TXNRD2: variants seen among roughly 807,000 people sequenced by gnomAD.
The protein encoded by TXNRD2 is thioredoxin reductase 2, mitochondrial.
Under a neutral mutation model 70.8 loss-of-function variants are expected in TXNRD2, and 67 were observed. The observed-to-expected ratio is 0.95, with a 90% CI of 0.78 to 1.16. The LOEUF is 1.16. TXNRD2 is among the 50% of genes most tolerant of loss of function. The pLI is 0.00. For missense variants in TXNRD2, 644 were observed against 719.9 expected (o/e 0.89, Z 1.21); for synonymous variants, 301 against 295.8 (o/e 1.02, Z -0.18).
chr22:19,909,589 C>CACACACACACACA (rs1940239875), intron 8 of TXNRD2, among the ~76,000 whole-genome samples: 1 of 81,866 alleles, frequency 1.2e-5, no homozygotes, highest in Non-Finnish European at 2.4e-5. Context: ...ACACACACAC[C>CACACACACACACA]ACACACACCA....
intron 11 of TXNRD2, among the ~76,000 whole-genome samples, chr22:19,885,044 GTCAGC>G (rs1381453151): frequency 6.6e-6 from 1 of 152,134 alleles, no homozygotes; most frequent in East Asian, 1.9e-4. Flanking sequence ...AGTCCAGGGG[GTCAGC>G]ACAGCTGCCC....
chr22:19,917,749 T>TA (rs1378623678), intron 5 of TXNRD2, among the ~76,000 whole-genome samples: 1 of 152,000 alleles, frequency 6.6e-6, no homozygotes, highest in Non-Finnish European at 1.5e-5. Context: ...AGGTGTGCAG[T>TA]AAGAAGGGGG....
intron 8 of TXNRD2, among the ~76,000 whole-genome samples, chr22:19,899,981 G>A (rs908872128): frequency 6.6e-5 from 10 of 152,200 alleles, no homozygotes; most frequent in African/African-American, 2.4e-4. Flanking sequence ...ATGTAAGGAC[G>A]GATAAGCCCA....
At chr22:19,936,925 C>T (rs1941556812) in intron 1 of TXNRD2, among the ~76,000 whole-genome samples, 1 of 152,174 alleles carries the variant, frequency 6.6e-6, no homozygotes, top group Non-Finnish European at 1.5e-5. Context: ...ATGCTGGAAC[C>T]TCCTAATGCT....
Position 19,877,234 on chromosome 22 carries a change from C to A in TXNRD2, c.1446G>T (p.Lys482Asn), listed in dbSNP as rs371797598. The A allele has an allele frequency of 6.2e-6, 10 of 1,609,406 alleles. No homozygotes were observed. The African/African-American group carries it at 1.1e-4, about 17-fold the overall frequency. The part of the protein sequence containing the change: ...EVTQGFALGI[K>N]CGASYAQVMR... The stretch of plus-strand genomic sequence containing the variant: ...TCACCTGCGCATAGGAAGCCCCACA[C>A]CTGCACATGGGGGATGGGGGAGGCA... The change falls in exon 17 of 18, where the codon AAG (lysine) becomes AAT (asparagine). Residue 482 changes from lysine to asparagine, a missense_variant and splice_region_variant. Coordinates refer to ENST00000400521, the MANE Select transcript of TXNRD2 (RefSeq NM_006440.5).
At chr22:19,907,996 A>T (rs1940143796) in intron 8 of TXNRD2, among the ~76,000 whole-genome samples, 2 of 97,814 alleles carry the variant, frequency 2.0e-5, no homozygotes, top group Non-Finnish European at 3.9e-5. Flanking sequence ...CTCTCAGGAG[A>T]GTGTGGGCGC....
At position 19,908,119 on chromosome 22, in the gene TXNRD2, GGT is replaced by G. The variant is rs202060377; in HGVS notation, c.662+3256_662+3257del. On this transcript the variant is annotated intron_variant, in intron 8 of 17. Coordinates refer to ENST00000400521, the MANE Select transcript of TXNRD2 (RefSeq NM_006440.5). ...CAGTGACTGCTCTCAGGAGAGTGTG[GGT>G]GCACCGTGGGTAGCAGTGACCGCTC... Among the ~76,000 whole-genome samples, 46 of 93,898 alleles carry G rather than the reference GGT, an allele frequency of 4.9e-4. 2 individuals are homozygous for G. The highest frequency in any genetic ancestry group is 2.1e-3 in the African/African-American group (45 of 21,630). 61.6% of individuals were successfully genotyped at this position (93,898 alleles called of 152,430 possible).
In TXNRD2 at chr22:19,883,321, G is replaced by A. The variant is rs753380240; in HGVS notation, c.1086+4C>T. ...GGGCCCTGGTCCCGGGACGCATGCC[G>A]TACCTCCACCACGTCACCAATGGCG... On this transcript the variant is annotated splice_donor_region_variant and intron_variant, in intron 12 of 17. Transcript: ENST00000400521. 3.0e-5 allele frequency: 48 copies of A among 1,613,028 alleles called. No individual in the cohort carries two copies. Among genetic ancestry groups the A allele is most frequent in the South Asian group, 1.1e-4 (10 of 91,076 alleles).
At chr22:19,928,092 C>T (rs1028368304) in intron 2 of TXNRD2, among the ~76,000 whole-genome samples, 2 of 145,754 alleles carry the variant, frequency 1.4e-5, no homozygotes, top group Non-Finnish European at 3.0e-5. Flanking sequence ...CACAGAGAGA[C>T]CCTCATCTTT....
chr22:19,933,839 C>T (rs1389200885), intron 1 of TXNRD2, among the ~76,000 whole-genome samples: 2 of 152,226 alleles, frequency 1.3e-5, no homozygotes, highest in African/African-American at 4.8e-5. Context: ...ATAACCTTGC[C>T]TTTCACCCAC....
chr22:19,914,779 A>T (rs967496527), intron 7 of TXNRD2: 11 of 279,510 alleles, frequency 3.9e-5, no homozygotes, highest in South Asian at 2.2e-4. Flanking sequence ...ATTGTACCCT[A>T]AAAAAGGCTA....
chr22:19,916,241 TGTG>T (rs1940633346), intron 5 of TXNRD2: 2 of 282,394 alleles, frequency 7.1e-6, no homozygotes, highest in Non-Finnish European at 1.4e-5. Context: ...ATTTCAGGGG[TGTG>T]GTAACACCAA....
intron 8 of TXNRD2, among the ~76,000 whole-genome samples, chr22:19,908,270 CTT>C (rs1162168801): frequency 2.0e-5 from 3 of 151,944 alleles, no homozygotes; most frequent in Non-Finnish European, 2.9e-5. Context: ...TGTTTTGTGT[CTT>C]ATCAAAAAGC....
intron 1 of TXNRD2, among the ~76,000 whole-genome samples, chr22:19,933,009 A>G (rs1386317240): frequency 6.6e-6 from 1 of 152,232 alleles, no homozygotes; most frequent in African/African-American, 2.4e-5. Context: ...AAAGGATACA[A>G]GAGCTGGAGC....
chr22:19,886,838 CAGGCACTCTCA>C (rs1338485281), intron 11 of TXNRD2, among the ~76,000 whole-genome samples: 3 of 152,210 alleles, frequency 2.0e-5, no homozygotes, highest in African/African-American at 4.8e-5. Context: ...TGGGGTAGGA[CAGGCACTCTCA>C]AGGCTCTGCT....
chr22:19,883,681 T>G, intron 11 of TXNRD2: 2 of 597,436 alleles, frequency 3.3e-6, no homozygotes, highest in East Asian at 6.2e-5. Context: ...CAGCCAGGCG[T>G]GATGGCTCAT....
chr22:19,915,345 C>T, intron 6 of TXNRD2, 69 bp from the exon 7 acceptor site: 24 of 1,525,904 alleles, frequency 1.6e-5, no homozygotes, highest in Non-Finnish European at 2.0e-5. Flanking sequence ...AGGGCCTGAG[C>T]ACCACAGACC....
At chr22:19,918,737 C>G (rs1407084644) in intron 4 of TXNRD2, 123 bp downstream of exon 4, 31 of 1,239,138 alleles carry the variant, frequency 2.5e-5, no homozygotes, top group Non-Finnish European at 3.6e-5. Context: ...AGAGTCGCCC[C>G]TGGCTGAGAA....
intron 2 of TXNRD2, 109 bp from the exon 3 acceptor site, chr22:19,919,708 G>C: frequency 4.4e-6 from 4 of 905,204 alleles, no homozygotes; most frequent in South Asian, 1.4e-5. Context: ...CAGGGCCTGG[G>C]CCTGCGGCTG....
Sources: allele counts gnomAD v4.1 joint callset (sites outside exome capture counted in the v4.1 genomes callset), GRCh38; gene constraint gnomAD v4.1.1; transcripts MANE v1.5; gene names NCBI Gene and HGNC (gene_info 2026-07-23, HGNC 2026-07-21).